Variants in ATP12A observed in about 807,000 individuals in gnomAD.
The protein encoded by ATP12A is potassium-transporting ATPase alpha chain 2.
Under a neutral mutation model 111.2 loss-of-function variants are expected in ATP12A, and 81 were observed. The observed-to-expected ratio is 0.73, with a 90% CI of 0.61 to 0.88. The LOEUF is 0.88. ATP12A is among the 40% of genes least tolerant of loss of function. ATP12A has a pLI of 0.00. For missense variants in ATP12A, 1,196 were observed against 1,313.1 expected, an observed-to-expected ratio of 0.91 and a Z score of 1.38; for synonymous variants, 498 against 499.8, an observed-to-expected ratio of 1.00 and a Z score of 0.05.
rs768967359 is a variant in ATP12A at position 24,681,588 on chromosome 13, G to A, written c.36G>A (p.Glu12=). ...AAACCCCAGAAATTTACTCCGTGGA[G>A]CTCAGCGGAACTAAGGACATCGTGA... is the stretch of plus-strand genomic sequence containing the variant. The part of the protein sequence containing the change: ...HQKTPEIYSV[E]LSGTKDIVKT... Residue 12 remains glutamate, a synonymous_variant, in exon 2 of 23, where the codon GAG becomes GAA. Coordinates refer to ENST00000381946, the MANE Select transcript of ATP12A (RefSeq NM_001676.7). 4.3e-6 allele frequency: 7 copies of A among 1,613,784 alleles called. No homozygotes were observed. The highest frequency in any genetic ancestry group is 1.7e-5 in the Admixed American group (1 of 59,926).
At position 24,710,590 on chromosome 13, in the gene ATP12A, T is replaced by C. The variant is rs1875921658; in HGVS notation, c.2894T>C (p.Phe965Ser). 19 of 1,614,126 alleles carry C rather than the reference T, an allele frequency of 1.2e-5. No homozygotes were observed. The highest frequency in any genetic ancestry group is 1.6e-5 in the Non-Finnish European group (19 of 1,180,028). ...AATTCCATCTTCCAGCAGGGTCTCT[T>C]CAGGTACTGCCTGTGCCCGGCCTCC... ...RRNSIFQQGL[F>S]RNKVIWVGIT... Residue 965 changes from phenylalanine (F) to serine (S), a missense_variant, in exon 20 of 23, where the codon TTC (phenylalanine) becomes TCC (serine). Phe to Ser is a radical substitution (Grantham distance 155). Around this residue, in one of 3 missense-constraint regions of ATP12A, gnomAD observed 1,126 missense variants for 1,228.5 expected, o/e 0.92. Coordinates refer to ENST00000381946, the MANE Select transcript of ATP12A (RefSeq NM_001676.7).
In ATP12A at chr13:24,680,729, C is replaced by A. The variant is rs1874398280; in HGVS notation, c.-15C>A. The A allele has an allele frequency of 6.7e-7, 1 of 1,501,734 alleles. No homozygotes were observed. Among genetic ancestry groups the A allele is most frequent in the Non-Finnish European group, 8.8e-7 (1 of 1,132,846 alleles). 93.0% of individuals were successfully genotyped at this position (1,501,734 alleles called of 1,614,324 possible). On this transcript the variant is annotated 5_prime_UTR_variant, in exon 1 of 23. Transcript: ENST00000381946. Reference sequence around the variant, plus strand: ...CGCGCTCCACGCCCGCAGCCCGCGGCGCCACCAGCCCAGCATGCACCAGGT... The same window carrying A: ...CGCGCTCCACGCCCGCAGCCCGCGGAGCCACCAGCCCAGCATGCACCAGGT...
At chr13:24,691,309 G>A in intron 8 of ATP12A, 59 bp downstream of exon 8, 2 of 1,536,858 alleles carry the variant, frequency 1.3e-6, no homozygotes, top group Non-Finnish European at 1.7e-6. Context: ...ACTGGTGCTG[G>A]GGAGGCGCCC....
At position 24,701,940 on chromosome 13, in the gene ATP12A, T is replaced by C. The variant is rs770440429; in HGVS notation, c.1887T>C (p.Ile629=). Residue 629 remains isoleucine (I), a synonymous_variant, in exon 14 of 23, where the codon ATT becomes ATC. Coordinates refer to ENST00000381946, the MANE Select transcript of ATP12A (RefSeq NM_001676.7). Reference sequence around the variant, plus strand: ...TCTCGTTGTCTTTGCTCTAGGTTATTATGGTTACTGGTGATCATCCCATCA... The same window carrying C: ...TCTCGTTGTCTTTGCTCTAGGTTATCATGGTTACTGGTGATCATCCCATCA... The part of the protein sequence containing the change: ...TKCRSAGIKV[I]MVTGDHPITA... The C allele has an allele frequency of 6.2e-7, 1 of 1,614,222 alleles. No homozygotes were observed. Among genetic ancestry groups the C allele is most frequent in the Non-Finnish European group, 8.5e-7 (1 of 1,180,032 alleles).
chr13:24,702,245 A>C (rs146517711), intron 14 of ATP12A, among the ~76,000 whole-genome samples, 174 bp downstream of exon 14: 1 of 152,234 alleles, frequency 6.6e-6, no homozygotes, highest in Non-Finnish European at 1.5e-5. Flanking sequence ...CTGAGCAGCT[A>C]ATATGTGCCA....
chr13:24,691,530 A>AC (rs1874904947), intron 8 of ATP12A, among the ~76,000 whole-genome samples: 1 of 152,118 alleles, frequency 6.6e-6, no homozygotes, highest in Non-Finnish European at 1.5e-5. Context: ...GACAGACTCC[A>AC]CCATTCACAG....
intron 1 of ATP12A, 119 bp from the exon 2 acceptor site, chr13:24,681,443 G>A: frequency 4.8e-6 from 6 of 1,245,016 alleles, no homozygotes; most frequent in African/African-American, 1.5e-5. Context: ...CCCCAGAGGA[G>A]GGAAGGAAAG....
At chr13:24,695,865 TCC>T (rs1421499233) in intron 11 of ATP12A, among the ~76,000 whole-genome samples, 1 of 152,136 alleles carries the variant, frequency 6.6e-6, no homozygotes, top group Non-Finnish European at 1.5e-5. Flanking sequence ...CGCCTTGGCC[TCC>T]CAAAGTGCTG....
chr13:24,697,911 A>G lies in ATP12A; in HGVS notation c.1513-747A>G, dbSNP rs78299905. Among the ~76,000 whole-genome samples, 900 of 152,228 alleles carry G rather than the reference A, an allele frequency of 5.9e-3. 10 individuals carry two copies. The highest frequency in any genetic ancestry group is 0.021 in the African/African-American group (857 of 41,532). ...GAACTGTTTTACCCAAAATTGTAGC[A>G]CTTTTCTTTGCAACTTATTTTCTCC... On this transcript the variant is annotated intron_variant, in intron 11 of 22. Transcript: ENST00000381946.
intron 3 of ATP12A, among the ~76,000 whole-genome samples, chr13:24,686,916 G>A (rs1199280533): frequency 6.6e-6 from 1 of 152,068 alleles, no homozygotes; most frequent in African/African-American, 2.4e-5. Context: ...TGGGGGCAGG[G>A]AGGTGAGAGC....
intron 19 of ATP12A, among the ~76,000 whole-genome samples, 191 bp from the exon 20 acceptor site, chr13:24,710,268 TA>T (rs1875904816): frequency 6.6e-6 from 1 of 152,206 alleles, no homozygotes; most frequent in South Asian, 2.1e-4. Flanking sequence ...GATAATTTTT[TA>T]AAAAATTAAC....
intron 13 of ATP12A, among the ~76,000 whole-genome samples, chr13:24,701,708 C>T (rs2137713135): frequency 6.6e-6 from 1 of 152,306 alleles, no homozygotes; most frequent in East Asian, 1.9e-4. Context: ...AGGGGAAGGG[C>T]TTCCTTTCAT....
At chr13:24,697,067 A>G (rs898646125) in intron 11 of ATP12A, among the ~76,000 whole-genome samples, 2 of 152,226 alleles carry the variant, frequency 1.3e-5, no homozygotes, top group Non-Finnish European at 2.9e-5. Flanking sequence ...TGTAGCCACC[A>G]TGATTAAGGG....
intron 4 of ATP12A, among the ~76,000 whole-genome samples, chr13:24,688,992 A>G (rs1043200434): frequency 6.6e-6 from 1 of 152,140 alleles, no homozygotes; most frequent in Admixed American, 6.5e-5. Context: ...GGCATGGGAC[A>G]GGAGCAGGGA....
At chr13:24,699,761 C>T (rs1875315900) in intron 12 of ATP12A, among the ~76,000 whole-genome samples, 1 of 152,166 alleles carries the variant, frequency 6.6e-6, no homozygotes, top group Admixed American at 6.5e-5. Context: ...AGCACCAGGG[C>T]TGGCGGAATG....
intron 12 of ATP12A, among the ~76,000 whole-genome samples, chr13:24,699,779 A>G (rs1875316797): frequency 6.6e-6 from 1 of 152,278 alleles, no homozygotes; most frequent in Admixed American, 6.5e-5. Context: ...ATGGTGCCCC[A>G]TCAGGACCAC....
chr13:24,682,625 C>G (rs73158343), intron 2 of ATP12A, among the ~76,000 whole-genome samples: 20,270 of 152,192 alleles, frequency 0.13, 1,406 homozygotes, highest in Middle Eastern at 0.2. Context: ...ACTATTTGAG[C>G]TGGAACTTCT....
At position 24,694,515 on chromosome 13, in the gene ATP12A, G is replaced by A; in HGVS notation, c.1449G>A (p.Met483Ile). 2.5e-6 allele frequency: 4 copies of A among 1,614,052 alleles called. No homozygotes were observed. The highest frequency in any genetic ancestry group is 3.4e-6 in the Non-Finnish European group (4 of 1,180,002). Reference sequence around the variant, plus strand: ...CAGAGGTCATTTTGGGTGATGTGATGGAAATTAGAAAAAGAAACCGCAAAG... The same window carrying A: ...CAGAGGTCATTTTGGGTGATGTGATAGAAATTAGAAAAAGAAACCGCAAAG... ...KFSEVILGDV[M>I]EIRKRNRKVA... The change falls in exon 11 of 23, where the codon ATG becomes ATA. Residue 483 changes from methionine (M) to isoleucine (I), a missense_variant. By Grantham distance (10) the Met-to-Ile change is conservative. Transcript: ENST00000381946.
intron 8 of ATP12A, 133 bp downstream of exon 8, chr13:24,691,383 A>G (rs944249661): frequency 1.4e-5 from 16 of 1,130,458 alleles, no homozygotes; most frequent in South Asian, 9.6e-5. Context: ...ACAACCCTGG[A>G]ACATTCTGCA....
Sources: allele counts gnomAD v4.1 joint callset (sites outside exome capture counted in the v4.1 genomes callset), GRCh38; gene constraint gnomAD v4.1.1; regional missense constraint gnomAD v4.1.1; transcripts MANE v1.5; gene names NCBI Gene and HGNC (gene_info 2026-07-23, HGNC 2026-07-21).